RAPGEF6: variants seen among roughly 807,000 people sequenced by gnomAD.
RAPGEF6 encodes PDZ domain containing guanine nucleotide exchange factor (GEF) 2.
Under a neutral mutation model 171.4 loss-of-function variants are expected in RAPGEF6, and 56 were observed. The ratio of observed to expected loss-of-function variants is 0.33; its 90% confidence interval spans 0.26 to 0.41. RAPGEF6 has a LOEUF of 0.41. Ranked by LOEUF, RAPGEF6 falls within the 10% of genes least tolerant of loss-of-function variation. RAPGEF6 has a pLI of 1.00. For synonymous variants in RAPGEF6, 692 were observed against 650.1 expected (o/e 1.06, Z -0.98); for missense variants, 1,674 against 1,921.4 (o/e 0.87, Z 2.41).
chr5:131,630,894 C>T (rs530565224), intron 1 of RAPGEF6, among the ~76,000 whole-genome samples: 2 of 152,322 alleles, frequency 1.3e-5, no homozygotes, highest in East Asian at 3.8e-4. Flanking sequence ...ACGCTTTGCA[C>T]CCAGTAGGTA....
chr5:131,619,257 T>C (rs1765463042), intron 1 of RAPGEF6, among the ~76,000 whole-genome samples: 1 of 151,984 alleles, frequency 6.6e-6, no homozygotes, highest in African/African-American at 2.4e-5. Flanking sequence ...AAGCGGCAGC[T>C]GAACAATGAG....
At chr5:131,616,762 G>T (rs565424291) in intron 1 of RAPGEF6, among the ~76,000 whole-genome samples, 2 of 151,708 alleles carry the variant, frequency 1.3e-5, no homozygotes, top group Admixed American at 6.6e-5. Flanking sequence ...ACTCTCGAGT[G>T]TGCCACCACC....
At position 131,598,900 on chromosome 5, in the gene RAPGEF6, T is replaced by C. The variant is rs574882243; in HGVS notation, c.197+4371A>G. ...TGTGTGGAAATTGACAAGCTGATTC[T>C]AGAATTTACACAGAAAGGCAAAGCA... On this transcript the variant is annotated intron_variant, in intron 3 of 27. Coordinates refer to ENST00000509018, the MANE Select transcript of RAPGEF6 (RefSeq NM_016340.6). Among the ~76,000 whole-genome samples the C allele has an allele frequency of 1.2e-4, 18 of 152,348 alleles. 1 individual carries two copies. The South Asian group carries it at 3.7e-3, about 32-fold the overall frequency.
In RAPGEF6 at chr5:131,431,155, GA is replaced by G. The variant is rs1167661264; in HGVS notation, c.4168del (p.Ser1390LeufsTer39). The G allele has an allele frequency of 6.2e-7, 1 of 1,614,100 alleles. No homozygotes were observed. Among genetic ancestry groups the G allele is most frequent in the Non-Finnish European group, 8.5e-7 (1 of 1,180,046 alleles). The part of the protein sequence containing the change: ...PNPKSWDFLN[S>X]YRHTHLDDPI... ...GTCATCCAAATGGGTATGTCTGTAAGAGTTCAAAAAATCCCAGCTTTTTGGG... is the reference window on the plus strand; with the variant it reads ...GTCATCCAAATGGGTATGTCTGTAAGGTTCAAAAAATCCCAGCTTTTTGGG... On this transcript the variant is annotated frameshift_variant, in exon 26 of 28. Transcript: ENST00000509018. LOFTEE classifies it high-confidence loss of function.
At chr5:131,433,069 A>G (rs913919135) in intron 25 of RAPGEF6, among the ~76,000 whole-genome samples, 3 of 152,140 alleles carry the variant, frequency 2.0e-5, no homozygotes, top group Non-Finnish European at 4.4e-5. Context: ...CCTGTCTACA[A>G]TGTGCACAGC....
intron 5 of RAPGEF6, among the ~76,000 whole-genome samples, chr5:131,551,347 A>G (rs1172904410): frequency 6.6e-6 from 1 of 151,900 alleles, no homozygotes; most frequent in Non-Finnish European, 1.5e-5. Context: ...CCCCATCTCT[A>G]CTAAAAACTA....
intron 4 of RAPGEF6, among the ~76,000 whole-genome samples, chr5:131,577,492 G>A (rs903736789): frequency 1.3e-5 from 2 of 152,104 alleles, no homozygotes; most frequent in Admixed American, 1.3e-4. Flanking sequence ...AGCCCTCTAG[G>A]CGACTATCTT....
At position 131,483,303 on chromosome 5, in the gene RAPGEF6, C is replaced by T. The variant is rs528188589; in HGVS notation, c.1841-3550G>A. Among the ~76,000 whole-genome samples the T allele has an allele frequency of 3.2e-3, 454 of 142,012 alleles. 2 individuals are homozygous for T. Among genetic ancestry groups the T allele is most frequent in the South Asian group, 4.4e-3 (20 of 4,542 alleles). The allele number at this position is 142,012 out of a possible 152,430, so 93.2% of individuals were successfully genotyped here. A position where few individuals can be genotyped will look rare whatever the true frequency, so the allele number is the denominator to read the frequency against. The stretch of plus-strand genomic sequence containing the variant: ...GGCGGAGGTTGCAGTGAGCCGAGAT[C>T]GAGCCACTGCACTCCAACCTGGGCA... On this transcript the variant is annotated intron_variant, in intron 15 of 27. Transcript: ENST00000509018.
rs777710951 is a variant in RAPGEF6 at position 131,498,574 on chromosome 5, C to A, written c.1288G>T (p.Glu430Ter). The change falls in exon 12 of 28, where the codon GAA (glutamate) becomes TAA (stop). Residue 430 changes from glutamate (E) to a stop codon, truncating the protein, a stop_gained. Coordinates refer to ENST00000509018, the MANE Select transcript of RAPGEF6 (RefSeq NM_016340.6). LOFTEE classifies it high-confidence loss of function. Reference sequence around the variant, plus strand: ...GTTGGATCCACGATGGAATGTTCTTCTATTAAATGCATTATGAGACGCTCA... The same window carrying A: ...GTTGGATCCACGATGGAATGTTCTTATATTAAATGCATTATGAGACGCTCA... ...TPERLIMHLI[E>*]EHSIVDPTYI... 6.2e-7 allele frequency: 1 copy of A among 1,613,704 alleles called. No homozygotes were observed. Among genetic ancestry groups the A allele is most frequent in the Admixed American group, 1.7e-5 (1 of 59,998 alleles).
At chr5:131,444,788 T>C (rs1317147462) in intron 22 of RAPGEF6, among the ~76,000 whole-genome samples, 2 of 152,140 alleles carry the variant, frequency 1.3e-5, no homozygotes, top group Non-Finnish European at 2.9e-5. Context: ...CATAAGATGA[T>C]TAAGTCTACA....
In RAPGEF6 at chr5:131,453,145, A is replaced by G; in HGVS notation, c.3109T>C (p.Phe1037Leu). Residue 1037 changes from phenylalanine to leucine, a missense_variant, in exon 21 of 28, where the codon TTT (phenylalanine) becomes CTT (leucine). By Grantham distance (22) the Phe-to-Leu change is conservative. Coordinates refer to ENST00000509018, the MANE Select transcript of RAPGEF6 (RefSeq NM_016340.6). Reference sequence around the variant, plus strand: ...TTGGAAATCATTCTTAACTTCTCAAAGTTTACTAAACCATCTACTTTGGAG... The same window carrying G: ...TTGGAAATCATTCTTAACTTCTCAAGGTTTACTAAACCATCTACTTTGGAG... ...NDSKVDGLVN[F>L]EKLRMISKEI... The G allele has an allele frequency of 6.2e-7, 1 of 1,613,790 alleles. No individual in the cohort carries two copies. Among genetic ancestry groups the G allele is most frequent in the Admixed American group, 1.7e-5 (1 of 59,994 alleles).
At chr5:131,536,278 G>C (rs948734962) in intron 6 of RAPGEF6, among the ~76,000 whole-genome samples, 3 of 152,040 alleles carry the variant, frequency 2.0e-5, no homozygotes, top group Non-Finnish European at 2.9e-5. Context: ...CCTTTCAAAG[G>C]ATCATAACAA....
At chr5:131,566,721 CAA>C (rs745835226) in intron 4 of RAPGEF6, among the ~76,000 whole-genome samples, 1 of 151,420 alleles carries the variant, frequency 6.6e-6, no homozygotes. Context: ...TCTCTGTACT[CAA>C]AGTTTCTTTT....
intron 1 of RAPGEF6, among the ~76,000 whole-genome samples, chr5:131,625,801 G>A (rs1324618860): frequency 7.3e-6 from 1 of 136,084 alleles, no homozygotes; most frequent in Non-Finnish European, 1.6e-5. Context: ...GGGTGACAGA[G>A]ACTCCGTCTC....
At chr5:131,537,465 C>A (rs1387210977) in intron 6 of RAPGEF6, among the ~76,000 whole-genome samples, 1 of 152,150 alleles carries the variant, frequency 6.6e-6, no homozygotes, top group Non-Finnish European at 1.5e-5. Flanking sequence ...CCAGTAATTT[C>A]TGTAACTCAA....
chr5:131,523,073 C>T (rs1758609298), intron 6 of RAPGEF6, among the ~76,000 whole-genome samples: 1 of 151,982 alleles, frequency 6.6e-6, no homozygotes, highest in Non-Finnish European at 1.5e-5. Context: ...TAAAACCAGG[C>T]ACATATGACG....
At chr5:131,619,254 A>G (rs1033460937) in intron 1 of RAPGEF6, among the ~76,000 whole-genome samples, 12 of 152,144 alleles carry the variant, frequency 7.9e-5, no homozygotes, top group Non-Finnish European at 1.8e-4. Flanking sequence ...CTTAAGCGGC[A>G]GCTGAACAAT....
chr5:131,607,359 G>A (rs1764665778), intron 1 of RAPGEF6, among the ~76,000 whole-genome samples: 1 of 152,162 alleles, frequency 6.6e-6, no homozygotes, highest in African/African-American at 2.4e-5. Context: ...ACCACAGAAT[G>A]AACCAAATTC....
intron 2 of RAPGEF6, among the ~76,000 whole-genome samples, chr5:131,604,387 T>C (rs1561599591): frequency 6.6e-6 from 1 of 152,192 alleles, no homozygotes; most frequent in East Asian, 1.9e-4. Flanking sequence ...TAAGGTCCCA[T>C]GGCTAAGAAA....
Sources: allele counts gnomAD v4.1 joint callset (sites outside exome capture counted in the v4.1 genomes callset), GRCh38; gene constraint gnomAD v4.1.1; transcripts MANE v1.5; gene names NCBI Gene and HGNC (gene_info 2026-07-23, HGNC 2026-07-21).